DOT1L: variants seen among roughly 807,000 people sequenced by gnomAD.
DOT1L encodes histone-lysine N-methyltransferase, H3 lysine-79 specific.
A neutral mutation model predicts 153.3 loss-of-function variants in DOT1L; 33 were observed. That is an observed-to-expected ratio of 0.22 (90% confidence interval 0.16 to 0.29). DOT1L has a LOEUF of 0.29. Among genes scored for constraint, DOT1L ranks in the 10% least tolerant of loss-of-function variants. The pLI is 1.00. For synonymous variants in DOT1L, 1,135 were observed against 965.1 expected (o/e 1.18, Z -3.26); for missense variants, 1,847 against 2,119.9 (o/e 0.87, Z 2.53).
At chr19:2,198,644 A>T (rs2023118973) in intron 7 of DOT1L, among the ~76,000 whole-genome samples, 1 of 152,086 alleles carries the variant, frequency 6.6e-6, no homozygotes, top group African/African-American at 2.4e-5. Context: ...GTTGTGTGGA[A>T]AGGAGTGTCG....
At position 2,197,308 on chromosome 19, in the gene DOT1L, C is replaced by T. The variant is rs2023063651; in HGVS notation, c.652-2576C>T. On this transcript the variant is annotated intron_variant, in intron 7 of 27. Coordinates refer to ENST00000398665, the MANE Select transcript of DOT1L (RefSeq NM_032482.3). The surrounding 1 kb of genome is among the most constrained non-coding windows in gnomAD (Gnocchi z 4.1). ...GTCCTGGGTTCTGGGTCCACTTGCA[C>T]TCTGGCCGGAAGTTCCCACATGGGT... 6.6e-6 allele frequency among the ~76,000 whole-genome samples: 1 copy of T among 152,246 alleles called. No individual in the cohort carries two copies. Among genetic ancestry groups the T allele is most frequent in the Non-Finnish European group, 1.5e-5 (1 of 68,042 alleles).
Position 2,226,221 on chromosome 19 carries a change from G to A in DOT1L, c.3700G>A (p.Glu1234Lys), listed in dbSNP as rs1568371361. 4.6e-6 allele frequency: 7 copies of A among 1,532,882 alleles called. No homozygotes were observed. Among genetic ancestry groups the A allele is most frequent in the Non-Finnish European group, 4.4e-6 (5 of 1,137,990 alleles). The allele number at this position is 1,532,882 out of a possible 1,614,324, so 95.0% of individuals were successfully genotyped here. A position where few individuals can be genotyped will look rare whatever the true frequency, so the allele number is the denominator to read the frequency against. The part of the protein sequence containing the change: ...LAGRKPAPAG[E>K]PVNSSKWKST... ...GGGAAGGAAGCCCGCGCCCGCCGGCGAGCCAGTCAATAGCAGCAAGTGGAA... is the reference window on the plus strand; with the variant it reads ...GGGAAGGAAGCCCGCGCCCGCCGGCAAGCCAGTCAATAGCAGCAAGTGGAA... Residue 1234 changes from glutamate (E) to lysine (K), a missense_variant, in exon 27 of 28, where the codon GAG (glutamate) becomes AAG (lysine). Physicochemically the swap from Glu to Lys is moderately conservative, Grantham distance 56 (BLOSUM62 1). Around this residue, in one of 8 missense-constraint regions of DOT1L, gnomAD observed 934 missense variants for 825.3 expected, o/e 1.13. Coordinates refer to ENST00000398665, the MANE Select transcript of DOT1L (RefSeq NM_032482.3).
chr19:2,213,692 G>C, intron 17 of DOT1L, 52 bp downstream of exon 17: 1 of 1,608,592 alleles, frequency 6.2e-7, no homozygotes. Flanking sequence ...CGCAGGCTGG[G>C]GTGGTCCATG....
intron 1 of DOT1L, among the ~76,000 whole-genome samples, chr19:2,165,997 C>T (rs2019904196): frequency 6.6e-6 from 1 of 152,086 alleles, no homozygotes; most frequent in Non-Finnish European, 1.5e-5. Flanking sequence ...GTCTCGATCT[C>T]CTGACTTCGT....
chr19:2,181,483 C>T (rs2144700405), intron 2 of DOT1L, among the ~76,000 whole-genome samples: 1 of 152,342 alleles, frequency 6.6e-6, no homozygotes, highest in South Asian at 2.1e-4. Context: ...TGCCAGGCCC[C>T]TAGCTCCTGA....
Position 2,226,748 on chromosome 19 carries a change from G to C in DOT1L, c.4227G>C (p.Lys1409Asn), listed in dbSNP as rs751355422. ...PTDKTPLLSG[K>N]AAKARDREVD... ...ACAAGACCCCACTGCTGAGCGGCAAGGCCGCCAAGGCCCGGGACCGCGAGG... is the reference window on the plus strand; with the variant it reads ...ACAAGACCCCACTGCTGAGCGGCAACGCCGCCAAGGCCCGGGACCGCGAGG... Residue 1409 changes from lysine to asparagine, a missense_variant, in exon 27 of 28, where the codon AAG becomes AAC. Around this residue, in one of 8 missense-constraint regions of DOT1L, gnomAD observed 934 missense variants for 825.3 expected, o/e 1.13. Transcript: ENST00000398665. 4 of 1,557,284 alleles carry C rather than the reference G, an allele frequency of 2.6e-6. No individual in the cohort carries two copies. Among genetic ancestry groups the C allele is most frequent in the South Asian group, 1.2e-5 (1 of 83,320 alleles).
chr19:2,228,445 G>A (rs2024461143), intron 27 of DOT1L: 8 of 1,228,512 alleles, frequency 6.5e-6, no homozygotes, highest in Non-Finnish European at 8.3e-6. Context: ...CTTTGGCAGA[G>A]AAGACGGCCA....
At chr19:2,227,246 C>A in intron 27 of DOT1L, 119 bp downstream of exon 27, 1 of 1,323,418 alleles carries the variant, frequency 7.6e-7, no homozygotes, top group Non-Finnish European at 1.1e-6. Context: ...CCCCTGGTGC[C>A]GGCCGGCCCC....
intron 1 of DOT1L, among the ~76,000 whole-genome samples, chr19:2,164,893 G>A (rs1296709029): frequency 6.6e-6 from 1 of 152,166 alleles, no homozygotes; most frequent in Admixed American, 6.5e-5. Flanking sequence ...AGTTGGTTGG[G>A]GACAGGCTTT....
At chr19:2,200,051 G>A (rs2023185077) in intron 8 of DOT1L, 112 bp downstream of exon 8, 1 of 1,396,706 alleles carries the variant, frequency 7.2e-7, no homozygotes, top group East Asian at 2.5e-5. Flanking sequence ...GGCTGTGGCA[G>A]GAAAGAGGCC....
intron 9 of DOT1L, among the ~76,000 whole-genome samples, chr19:2,206,066 G>C (rs1011807324): frequency 4.7e-5 from 7 of 149,150 alleles, no homozygotes; most frequent in African/African-American, 1.7e-4. Flanking sequence ...GCGCGATCTC[G>C]ACTCACTTGC....
At chr19:2,226,093 G>C (rs2024317978) in intron 26 of DOT1L, 90 bp from the exon 27 acceptor site, 2 of 1,390,608 alleles carry the variant, frequency 1.4e-6, no homozygotes, top group Admixed American at 5.7e-5. Flanking sequence ...CTGCAGAGTT[G>C]CCCGGGCCGT....
chr19:2,186,823 C>T (rs1295311220), intron 3 of DOT1L, among the ~76,000 whole-genome samples: 1 of 152,232 alleles, frequency 6.6e-6, no homozygotes. Flanking sequence ...CCTCGCATGT[C>T]GGGGCCTCTC....
intron 27 of DOT1L, 155 bp downstream of exon 27, chr19:2,227,282 C>G (rs1259009051): frequency 1.0e-6 from 1 of 973,354 alleles, no homozygotes. Context: ...GTGGCGAACT[C>G]CAGTCCTGTG....
Position 2,164,018 on chromosome 19 carries a change from GCCGGA to G in DOT1L, c.-161_-157del. On this transcript the variant is annotated 5_prime_UTR_variant, in exon 1 of 28. Coordinates refer to ENST00000398665, the MANE Select transcript of DOT1L (RefSeq NM_032482.3). The stretch of plus-strand genomic sequence containing the variant: ...CTACAAAGAGGGAGTCGGGGGCCGG[GCCGGA>G]CCGGAGCGCGGCGGCGGCGGCGGCG... 1 of 270,158 alleles carries G rather than the reference GCCGGA, an allele frequency of 3.7e-6. No homozygotes were observed. Among genetic ancestry groups the G allele is most frequent in the Non-Finnish European group, 6.1e-6 (1 of 164,494 alleles). 16.7% of individuals were successfully genotyped at this position (270,158 alleles called of 1,614,324 possible). A position where few individuals can be genotyped will look rare whatever the true frequency, so the allele number is the denominator to read the frequency against.
intron 7 of DOT1L, among the ~76,000 whole-genome samples, chr19:2,198,302 G>A (rs572667968): frequency 2.6e-5 from 4 of 152,316 alleles, no homozygotes; most frequent in African/African-American, 9.6e-5. Context: ...AGACGGGTGT[G>A]GGGGGTGGCC....
chr19:2,205,936 C>T (rs1286552184), intron 9 of DOT1L, among the ~76,000 whole-genome samples: 3 of 151,898 alleles, frequency 2.0e-5, no homozygotes, highest in Admixed American at 6.6e-5. Context: ...GCAGTCTGCC[C>T]GCCTTGGCCT....
intron 27 of DOT1L, chr19:2,227,429 C>T: frequency 1.6e-6 from 1 of 625,398 alleles, no homozygotes; most frequent in East Asian, 3.6e-5. Context: ...CTAGGTGTGG[C>T]CGCCCGGGCT....
intron 27 of DOT1L, chr19:2,227,983 T>G: frequency 8.1e-7 from 1 of 1,228,742 alleles, no homozygotes; most frequent in Non-Finnish European, 1.0e-6. Flanking sequence ...CCGCCCGTCC[T>G]CCACGCCCCC....
Sources: allele counts gnomAD v4.1 joint callset (sites outside exome capture counted in the v4.1 genomes callset), GRCh38; gene constraint gnomAD v4.1.1; regional missense constraint gnomAD v4.1.1; non-coding constraint Gnocchi (gnomAD v3.1); transcripts MANE v1.5; gene names NCBI Gene and HGNC (gene_info 2026-07-23, HGNC 2026-07-21).